The following CADPS variants were observed in gnomAD, a reference collection of about 807,000 sequenced individuals.
The protein encoded by CADPS is calcium dependent secretion activator.
Under a neutral mutation model 167.3 loss-of-function variants are expected in CADPS, and 57 were observed. The ratio of observed to expected loss-of-function variants is 0.34; its 90% CI spans 0.28 to 0.42. CADPS has a LOEUF of 0.42. Ranked by LOEUF, CADPS falls within the 20% of genes least tolerant of loss-of-function variation. The pLI is 1.00. For missense variants in CADPS, 1,414 were observed against 1,738.1 expected, an observed-to-expected ratio of 0.81 and a Z score of 3.32; for synonymous variants, 676 against 635.3, an observed-to-expected ratio of 1.06 and a Z score of -0.96.
At chr3:62,611,610 T>A (rs2149305146) in intron 6 of CADPS, among the ~76,000 whole-genome samples, 1 of 152,352 alleles carries the variant, frequency 6.6e-6, no homozygotes, top group Non-Finnish European at 1.5e-5. Context: ...GAACCTTCAC[T>A]GTCTCTGACC....
chr3:62,678,808 C>T (rs2076695654), intron 3 of CADPS, among the ~76,000 whole-genome samples: 1 of 151,272 alleles, frequency 6.6e-6, no homozygotes, highest in Non-Finnish European at 1.5e-5. Flanking sequence ...GAATTGGAGA[C>T]ATAAATATTG....
chr3:62,512,979 GA>G (rs2068170573), intron 16 of CADPS, among the ~76,000 whole-genome samples: 1 of 152,098 alleles, frequency 6.6e-6, no homozygotes, highest in Non-Finnish European at 1.5e-5. Flanking sequence ...TGCACAAATA[GA>G]AAATTAGTAA....
At chr3:62,757,688 G>A (rs2084324032) in intron 2 of CADPS, among the ~76,000 whole-genome samples, 1 of 152,126 alleles carries the variant, frequency 6.6e-6, no homozygotes, top group Non-Finnish European at 1.5e-5. Flanking sequence ...GTAACTGGTT[G>A]AGTGATGTAT....
chr3:62,838,552 T>C (rs2153029340), intron 1 of CADPS, among the ~76,000 whole-genome samples: 1 of 151,928 alleles, frequency 6.6e-6, no homozygotes, highest in East Asian at 1.9e-4. Context: ...GAAACTCTAC[T>C]TCTCTAGATT....
At position 62,767,106 on chromosome 3, in the gene CADPS, C is replaced by T. The variant is rs116217367; in HGVS notation, c.442-1122G>A. 3.6e-3 allele frequency among the ~76,000 whole-genome samples: 552 copies of T among 152,138 alleles called. 3 individuals are homozygous for T. Among genetic ancestry groups the T allele is most frequent in the African/African-American group, 0.012 (509 of 41,528 alleles). ...TATTAACAAGTCAGCCAAAACTTTG[C>T]TGTTTTAAAAGTTAAAAACTTTTAA... On this transcript the variant is annotated intron_variant, in intron 1 of 29. Transcript: ENST00000383710.
rs1562712413 is a variant in CADPS at position 62,599,779 on chromosome 3, A to AATATATTATATATATT, written c.1326-7032_1326-7031insAATATATATAATATAT. On this transcript the variant is annotated intron_variant, in intron 6 of 29. Transcript: ENST00000383710. ...TATATATTGTATATATAATATATAT[A>AATATATTATATATATT]TTATATATAATATATATAATATATA... Among the ~76,000 whole-genome samples the AATATATTATATATATT allele has an allele frequency of 5.2e-3, 11 of 2,106 alleles. 2 individuals carry two copies. Among genetic ancestry groups the AATATATTATATATATT allele is most frequent in the Non-Finnish European group, 0.018 (9 of 492 alleles). 1.4% of individuals were successfully genotyped at this position (2,106 alleles called of 152,430 possible).
intron 4 of CADPS, among the ~76,000 whole-genome samples, chr3:62,659,610 A>G (rs1308227369): frequency 6.6e-6 from 1 of 152,208 alleles, no homozygotes; most frequent in South Asian, 2.1e-4. Context: ...GCACATTGCT[A>G]CAGGTATCTT....
chr3:62,622,059 T>C (rs1002391701), intron 6 of CADPS, among the ~76,000 whole-genome samples: 1 of 152,148 alleles, frequency 6.6e-6, no homozygotes, highest in African/African-American at 2.4e-5. Context: ...CAGCCCTTGC[T>C]CATCTCCTCT....
chr3:62,561,142 G>C (rs1026189512), intron 9 of CADPS, among the ~76,000 whole-genome samples: 1 of 151,808 alleles, frequency 6.6e-6, no homozygotes, highest in Admixed American at 6.6e-5. Flanking sequence ...TAGTGTGTGG[G>C]GGGTGAGGGG....
At chr3:62,549,782 G>A in intron 11 of CADPS, 121 bp downstream of exon 11, 1 of 788,266 alleles carries the variant, frequency 1.3e-6, no homozygotes, top group Non-Finnish European at 2.0e-6. Context: ...TTCACTATAT[G>A]TTTTCAGCAA....
At chr3:62,434,928 A>C (rs1290926649) in intron 28 of CADPS, among the ~76,000 whole-genome samples, 1 of 152,170 alleles carries the variant, frequency 6.6e-6, no homozygotes, top group Non-Finnish European at 1.5e-5. Context: ...ACAGTTAAAA[A>C]CACAACAGGA....
chr3:62,782,766 T>C (rs1242559720), intron 1 of CADPS, among the ~76,000 whole-genome samples: 3 of 151,202 alleles, frequency 2.0e-5, no homozygotes, highest in East Asian at 1.9e-4. Context: ...TCTTTCTTTT[T>C]TTTTTTTTTT....
rs544548220 is a variant in CADPS, at chr3:62,431,414, T to A, written c.3777+6690A>T. ...TAGCCCCCCCTCAATCTTTTTTTTT[T>A]AAACTAGCTTCAGAAGTTTTCCTTA... On this transcript the variant is annotated intron_variant, in intron 28 of 29. Coordinates refer to ENST00000383710, the MANE Select transcript of CADPS (RefSeq NM_003716.4). 1.6e-3 allele frequency among the ~76,000 whole-genome samples: 237 copies of A among 152,120 alleles called. 1 individual carries two copies. The highest frequency in any genetic ancestry group is 2.8e-3 in the Non-Finnish European group (193 of 68,000).
chr3:62,434,272 A>G (rs1040821225), intron 28 of CADPS, among the ~76,000 whole-genome samples: 7 of 152,216 alleles, frequency 4.6e-5, no homozygotes, highest in Non-Finnish European at 8.8e-5. Context: ...ATGAAAAAAT[A>G]TAAAAACGCA....
intron 26 of CADPS, among the ~76,000 whole-genome samples, chr3:62,462,057 T>C (rs2059413367): frequency 1.3e-5 from 2 of 149,776 alleles, no homozygotes; most frequent in South Asian, 2.1e-4. Flanking sequence ...GGGTACCTGC[T>C]TGCCCTCTTC....
At position 62,703,205 on chromosome 3, in the gene CADPS, C is replaced by T. The variant is rs375966395; in HGVS notation, c.889-40811G>A. Among the ~76,000 whole-genome samples, 5 of 152,122 alleles carry T rather than the reference C, an allele frequency of 3.3e-5. No individual in the cohort carries two copies. In the South Asian group the frequency reaches 1.0e-3, roughly 32 times the overall value. ...CTTTAAATAAATTCATGTGTGTACGCCCTTCAACTCTTTGAGAAATCTATG... is the reference window on the plus strand; with the variant it reads ...CTTTAAATAAATTCATGTGTGTACGTCCTTCAACTCTTTGAGAAATCTATG... On this transcript the variant is annotated intron_variant, in intron 3 of 29. Coordinates refer to ENST00000383710, the MANE Select transcript of CADPS (RefSeq NM_003716.4).
At chr3:62,445,734 A>C (rs780844065) in intron 27 of CADPS, 31 bp downstream of exon 27, 14 of 1,430,720 alleles carry the variant, frequency 9.8e-6, no homozygotes, top group South Asian at 8.3e-5. Flanking sequence ...AAACAAAAAA[A>C]CCCCATGAGA....
intron 1 of CADPS, among the ~76,000 whole-genome samples, chr3:62,835,132 A>C (rs564342392): frequency 6.6e-6 from 1 of 152,342 alleles, no homozygotes; most frequent in Admixed American, 6.5e-5. Flanking sequence ...CTGTCCCAGT[A>C]ATAGCTTTTG....
rs560316509 is a variant in CADPS at position 62,833,693 on chromosome 3, C to T, written c.441+40896G>A. ...GCAAAATACTGCAGTGCTTTCAAAT[C>T]CTCCATTAGGGGGCATGAGGGAGAC... On this transcript the variant is annotated intron_variant, in intron 1 of 29. Coordinates refer to ENST00000383710, the MANE Select transcript of CADPS (RefSeq NM_003716.4). 4.6e-5 allele frequency among the ~76,000 whole-genome samples: 7 copies of T among 152,046 alleles called. No homozygotes were observed. The East Asian group carries it at 1.2e-3, about 25-fold the overall frequency.
Sources: allele counts gnomAD v4.1 joint callset (sites outside exome capture counted in the v4.1 genomes callset), GRCh38; gene constraint gnomAD v4.1.1; transcripts MANE v1.5; gene names NCBI Gene and HGNC (gene_info 2026-07-23, HGNC 2026-07-21).